The following SPATA6 variants were observed in gnomAD, a reference collection of about 807,000 sequenced individuals.
SPATA6 encodes spermatogenesis-associated protein 6.
Under a neutral mutation model 65.3 loss-of-function variants are expected in SPATA6, and 56 were observed. The ratio of observed to expected loss-of-function variants is 0.86; its 90% CI spans 0.69 to 1.07. SPATA6 has a LOEUF of 1.07. Among genes scored for constraint, SPATA6 ranks in the 50% least tolerant of loss-of-function variants. The probability of loss-of-function intolerance (pLI) is 0.00; values close to 1 mark genes in which losing one functional copy is unlikely to be tolerated. For missense variants in SPATA6, 590 were observed against 594.8 expected, an observed-to-expected ratio of 0.99 and a Z score of 0.08; for synonymous variants, 199 against 213.2, an observed-to-expected ratio of 0.93 and a Z score of 0.58.
chr1:48,270,447 A>G, the SPATA6 span, among the ~76,000 whole-genome samples: 2 of 152,056 alleles, frequency 1.3e-5, no homozygotes, highest in Non-Finnish European at 2.9e-5. Context: ...TTAACCACTT[A>G]TCTAGTTGAG....
At chr1:48,397,941 A>T (rs1333966932) in intron 7 of SPATA6, among the ~76,000 whole-genome samples, 1 of 151,670 alleles carries the variant, frequency 6.6e-6, no homozygotes, top group Non-Finnish European at 1.5e-5. Context: ...TTTCCAAAGA[A>T]TTTTAATGTG....
intron 3 of SPATA6, among the ~76,000 whole-genome samples, chr1:48,421,798 C>T (rs1004764234): frequency 1.9e-4 from 29 of 151,908 alleles, no homozygotes; most frequent in African/African-American, 2.4e-5. Flanking sequence ...TACACACAGT[C>T]CCCAAAACAT....
intron 9 of SPATA6, among the ~76,000 whole-genome samples, chr1:48,378,347 A>T (rs1237098316): frequency 1.3e-5 from 2 of 152,222 alleles, no homozygotes; most frequent in Non-Finnish European, 2.9e-5. Flanking sequence ...AATAGCTTGA[A>T]AGGCAGATCA....
At chr1:48,442,717 T>TAAAAAAAAAAAAAA (rs71056669) in intron 3 of SPATA6, among the ~76,000 whole-genome samples, 4 of 46,212 alleles carry the variant, frequency 8.7e-5, no homozygotes, top group African/African-American at 2.7e-4. Flanking sequence ...ATGGAAGTAG[T>TAAAAAAAAAAAAAA]AAAAAAAAAA....
At chr1:48,459,906 T>C (rs1657299462) in intron 1 of SPATA6, among the ~76,000 whole-genome samples, 1 of 152,006 alleles carries the variant, frequency 6.6e-6, no homozygotes, top group African/African-American at 2.4e-5. Context: ...TAAGACAAAT[T>C]AGAAAAAAAC....
At chr1:48,347,018 A>G (rs1557593177) in intron 11 of SPATA6, among the ~76,000 whole-genome samples, 1 of 152,132 alleles carries the variant, frequency 6.6e-6, no homozygotes, top group Non-Finnish European at 1.5e-5. Flanking sequence ...GGCAAACCTA[A>G]GCAAAAAGAA....
chr1:48,325,405 G>A, intron 11 of SPATA6: 1 of 1,373,492 alleles, frequency 7.3e-7, no homozygotes, highest in Non-Finnish European at 1.0e-6. Context: ...AAGGAGCCAG[G>A]GCCCTCCCCC....
chr1:48,441,216 T>C (rs1325224718), intron 3 of SPATA6, among the ~76,000 whole-genome samples: 1 of 152,198 alleles, frequency 6.6e-6, no homozygotes, highest in Non-Finnish European at 1.5e-5. Flanking sequence ...CCAGCTCATG[T>C]CATCACCCTC....
At chr1:48,467,290 C>T (rs760507389) in intron 1 of SPATA6, among the ~76,000 whole-genome samples, 146 of 152,150 alleles carry the variant, frequency 9.6e-4, no homozygotes, top group Non-Finnish European at 1.5e-3. Flanking sequence ...TAACACAAAA[C>T]TTCAGCAAAA....
intron 12 of SPATA6, among the ~76,000 whole-genome samples, chr1:48,302,112 C>A (rs948506731): frequency 1.3e-5 from 2 of 152,016 alleles, no homozygotes; most frequent in Non-Finnish European, 1.5e-5. Flanking sequence ...GGATTCTTTC[C>A]GATTCTTTGT....
the SPATA6 span, among the ~76,000 whole-genome samples, chr1:48,286,007 C>T: frequency 3.9e-5 from 6 of 152,064 alleles, no homozygotes; most frequent in Non-Finnish European, 7.4e-5. Context: ...TTCAGGGCTC[C>T]CTATTCTGTT....
At chr1:48,354,933 G>A (rs1414277462) in intron 11 of SPATA6, among the ~76,000 whole-genome samples, 3 of 151,938 alleles carry the variant, frequency 2.0e-5, no homozygotes, top group African/African-American at 7.2e-5. Context: ...TTGAAAAGAA[G>A]TTTAATTTTA....
In SPATA6 at chr1:48,353,470, A is replaced by G. The variant is rs1318725915; in HGVS notation, c.1194+2200T>C. Among the ~76,000 whole-genome samples the G allele has an allele frequency of 2.6e-5, 4 of 151,724 alleles. No individual in the cohort carries two copies. The South Asian group carries it at 6.2e-4, about 24-fold the overall frequency. ...AACTCACGTGTTACTTACAAGATACATCCTTTACATATAATGACATAAACC... is the reference window on the plus strand; with the variant it reads ...AACTCACGTGTTACTTACAAGATACGTCCTTTACATATAATGACATAAACC... On this transcript the variant is annotated intron_variant, in intron 11 of 12. Transcript: ENST00000371847.
At chr1:48,399,779 T>G in intron 6 of SPATA6, 135 bp from the exon 7 acceptor site, 1 of 736,222 alleles carries the variant, frequency 1.4e-6, no homozygotes, top group Non-Finnish European at 2.1e-6. Flanking sequence ...TTCCTATCTG[T>G]GCTGATCCTG....
intron 6 of SPATA6, chr1:48,400,884 T>C (rs1651099518): frequency 1.6e-6 from 2 of 1,214,950 alleles, no homozygotes; most frequent in Admixed American, 2.8e-5. Context: ...TTTTCTACCA[T>C]ATCCATTTCA....
At position 48,472,015 on chromosome 1, in the gene SPATA6, G is replaced by A. The variant is rs1405451382; in HGVS notation, c.-7C>T. ...GCGCCTTCACCTTCGGCATCCGTGC[G>A]GGGAGGGGCGGCGGGGAGTGACCCC... On this transcript the variant is annotated 5_prime_UTR_variant, in exon 1 of 13. Transcript: ENST00000371847. The A allele has an allele frequency of 2.6e-6, 4 of 1,555,180 alleles. No homozygotes were observed. The highest frequency in any genetic ancestry group is 3.5e-6 in the Non-Finnish European group (4 of 1,155,346).
chr1:48,318,622 T>C (rs1645509144), intron 11 of SPATA6, among the ~76,000 whole-genome samples: 1 of 152,076 alleles, frequency 6.6e-6, no homozygotes, highest in African/African-American at 2.4e-5. Context: ...TAAGATGACA[T>C]AAATAAATTT....
At chr1:48,291,663 C>A (rs545782237), downstream of SPATA6, among the ~76,000 whole-genome samples, 15 of 152,328 alleles carry the variant, frequency 9.8e-5, no homozygotes, top group African/African-American at 3.6e-4. Flanking sequence ...TTGCCCCAGG[C>A]TACAAGCATC....
the SPATA6 span, among the ~76,000 whole-genome samples, chr1:48,270,454 T>A: frequency 6.6e-6 from 1 of 152,222 alleles, no homozygotes; most frequent in African/African-American, 2.4e-5. Flanking sequence ...CTTATCTAGT[T>A]GAGAGGCAGA....
Sources: allele counts gnomAD v4.1 joint callset (sites outside exome capture counted in the v4.1 genomes callset), GRCh38; gene constraint gnomAD v4.1.1; transcripts MANE v1.5; gene names NCBI Gene and HGNC (gene_info 2026-07-23, HGNC 2026-07-21).